PARN: variants seen among roughly 807,000 people sequenced by gnomAD.
PARN encodes poly(A)-specific ribonuclease, also known as poly(A)-specific ribonuclease PARN.
Under a neutral mutation model 102.8 loss-of-function variants are expected in PARN, and 71 were observed. The observed-to-expected ratio is 0.69, with a 90% confidence interval of 0.57 to 0.84. PARN has a LOEUF of 0.84. PARN is among the 40% of genes least tolerant of loss of function. The pLI, the probability that PARN is intolerant of heterozygous loss-of-function variation, is 0.00. For synonymous variants in PARN, 261 were observed against 252.9 expected, an observed-to-expected ratio of 1.03 and a Z score of -0.30; for missense variants, 782 against 760.9, an observed-to-expected ratio of 1.03 and a Z score of -0.33.
intron 21 of PARN, among the ~76,000 whole-genome samples, chr16:14,527,302 A>T (rs985241673): frequency 3.3e-5 from 5 of 152,170 alleles, no homozygotes; most frequent in Non-Finnish European, 7.4e-5. Context: ...TGAAATGACC[A>T]ATCTGCTTTT....
intron 13 of PARN, among the ~76,000 whole-genome samples, chr16:14,588,668 G>A (rs1298439031): frequency 6.6e-6 from 1 of 151,952 alleles, no homozygotes; most frequent in African/African-American, 2.4e-5. Context: ...ACTTGAGGCC[G>A]GAAGTTCGAG....
At chr16:14,585,364 G>GTTTTTTTT (rs36030259) in intron 14 of PARN, among the ~76,000 whole-genome samples, 1 of 121,128 alleles carries the variant, frequency 8.3e-6, no homozygotes, top group African/African-American at 3.0e-5. Context: ...CTATTTCTCT[G>GTTTTTTTT]TTTTTTTTTT....
At chr16:14,439,936 AC>A (rs1327159715) in intron 23 of PARN, among the ~76,000 whole-genome samples, 2 of 152,154 alleles carry the variant, frequency 1.3e-5, no homozygotes, top group Non-Finnish European at 2.9e-5. Flanking sequence ...AATAGCCTGA[AC>A]CCGAGAGGCG....
chr16:14,496,325 T>C (rs1340642484), intron 21 of PARN, among the ~76,000 whole-genome samples: 2 of 152,118 alleles, frequency 1.3e-5, no homozygotes, highest in Non-Finnish European at 2.9e-5. Flanking sequence ...ACACAGCAGC[T>C]TAAAAAGTGG....
rs1164475774 is a variant in PARN at position 14,580,898 on chromosome 16, T to C, written c.1238A>G (p.Lys413Arg). The C allele has an allele frequency of 6.2e-7, 1 of 1,609,558 alleles. No homozygotes were observed. Among genetic ancestry groups the C allele is most frequent in the Non-Finnish European group, 8.5e-7 (1 of 1,176,208 alleles). The change falls in exon 18 of 24, where the codon AAA becomes AGA. Residue 413 changes from lysine to arginine, a missense_variant. By Grantham distance (26) the Lys-to-Arg change is conservative (BLOSUM62 2). Transcript: ENST00000437198. The part of the protein sequence containing the change: ...PPKIHVSARS[K>R]LIEPFFNKLF... ...CTTGTTAAAAAAAGGTTCAATGAGTTTTGATCTGGCAGACACATGAATTTT... is the reference window on the plus strand; with the variant it reads ...CTTGTTAAAAAAAGGTTCAATGAGTCTTGATCTGGCAGACACATGAATTTT...
At chr16:14,606,641 AATT>A in intron 9 of PARN, 115 bp from the exon 10 acceptor site, 1 of 563,454 alleles carries the variant, frequency 1.8e-6, no homozygotes, top group Non-Finnish European at 3.2e-6. Flanking sequence ...ACTACAAAAT[AATT>A]ATCACTACAA....
At chr16:14,542,357 T>C (rs1966846984) in intron 21 of PARN, among the ~76,000 whole-genome samples, 2 of 151,656 alleles carry the variant, frequency 1.3e-5, no homozygotes, top group African/African-American at 4.8e-5. Context: ...GGTCTCGCTG[T>C]ATCTCTCAGG....
At chr16:14,530,362 G>C (rs1359074039) in intron 21 of PARN, among the ~76,000 whole-genome samples, 1 of 152,102 alleles carries the variant, frequency 6.6e-6, no homozygotes, top group Non-Finnish European at 1.5e-5. Flanking sequence ...ACCCGCCACA[G>C]TGCTTTGCAC....
chr16:14,602,355 G>A lies in PARN; in HGVS notation c.783+1791C>T, dbSNP rs186320947. Among the ~76,000 whole-genome samples the A allele has an allele frequency of 3.2e-4, 48 of 151,982 alleles. 2 individuals carry two copies. The East Asian group carries it at 3.7e-3, about 12-fold the overall frequency. On this transcript the variant is annotated intron_variant, in intron 11 of 23. Coordinates refer to ENST00000437198, the MANE Select transcript of PARN (RefSeq NM_002582.4). The stretch of plus-strand genomic sequence containing the variant: ...CCCAGGTCCTCTTCTCATTCCTCAC[G>A]TACTCTGCAGTTGCTCTGATCCAGT...
At chr16:14,508,907 T>C (rs1361978971) in intron 21 of PARN, among the ~76,000 whole-genome samples, 1 of 150,686 alleles carries the variant, frequency 6.6e-6, no homozygotes, top group Non-Finnish European at 1.5e-5. Flanking sequence ...ATTTAAAATA[T>C]ATATATATAT....
intron 5 of PARN, among the ~76,000 whole-genome samples, chr16:14,619,248 G>A (rs1162309594): frequency 2.0e-5 from 3 of 151,906 alleles, no homozygotes; most frequent in East Asian, 1.9e-4. Context: ...TAAGCCTTAC[G>A]AAACAAATAT....
chr16:14,608,099 T>A lies in PARN; in HGVS notation c.659+182A>T. 5 of 617,002 alleles carry A rather than the reference T, an allele frequency of 8.1e-6. No individual in the cohort carries two copies. The South Asian group carries it at 1.1e-4, about 13-fold the overall frequency. The allele number at this position is 617,002 out of a possible 1,614,324, so 38.2% of individuals were successfully genotyped here. ...TTTTAAGAAGCCTTAAAGCATCTGT[T>A]AAAAAACAATAACAAAAGAAAATTA... On this transcript the variant is annotated intron_variant, in intron 9 of 23. Transcript: ENST00000437198.
At chr16:14,627,815 G>A (rs1456975354) in intron 3 of PARN, among the ~76,000 whole-genome samples, 7 of 152,062 alleles carry the variant, frequency 4.6e-5, no homozygotes, top group Non-Finnish European at 8.8e-5. Context: ...AAGTGAGACC[G>A]ATCTCTACAA....
At chr16:14,534,163 GA>G (rs1966504890) in intron 21 of PARN, among the ~76,000 whole-genome samples, 1 of 148,584 alleles carries the variant, frequency 6.7e-6, no homozygotes. Flanking sequence ...AGGCTGCTGT[GA>G]ACCAAGATCG....
At chr16:14,463,440 A>G (rs1249685748) in intron 22 of PARN, among the ~76,000 whole-genome samples, 3 of 152,196 alleles carry the variant, frequency 2.0e-5, no homozygotes, top group Non-Finnish European at 4.4e-5. Flanking sequence ...ACTATCAGGT[A>G]TGCAAAAAGG....
At chr16:14,541,179 A>C (rs1415699765) in intron 21 of PARN, among the ~76,000 whole-genome samples, 1 of 151,410 alleles carries the variant, frequency 6.6e-6, no homozygotes, top group African/African-American at 2.4e-5. Flanking sequence ...GTATGTCATG[A>C]AACTAAATAA....
intron 11 of PARN, chr16:14,602,137 T>C (rs1438498936): frequency 1.3e-5 from 2 of 151,722 alleles, no homozygotes; most frequent in African/African-American, 2.4e-5. Flanking sequence ...AAAATTGCTT[T>C]AATTATAGTT....
rs2151543601 is a variant in PARN, at chr16:14,436,334, T to G, written c.*383A>C. On this transcript the variant is annotated 3_prime_UTR_variant, in exon 24 of 24. Coordinates refer to ENST00000437198, the MANE Select transcript of PARN (RefSeq NM_002582.4). ...ACAGGCAGGACAGTACACCCCCAAATTCATGATCACAGCAGCTGGAATGTC... is the reference window on the plus strand; with the variant it reads ...ACAGGCAGGACAGTACACCCCCAAAGTCATGATCACAGCAGCTGGAATGTC... 1 of 230,782 alleles carries G rather than the reference T, an allele frequency of 4.3e-6. No individual in the cohort carries two copies. Among genetic ancestry groups the G allele is most frequent in the East Asian group, 1.0e-4 (1 of 9,684 alleles). 14.3% of individuals were successfully genotyped at this position (230,782 alleles called of 1,614,324 possible). A position where few individuals can be genotyped will look rare whatever the true frequency, so the allele number is the denominator to read the frequency against.
chr16:14,440,917 T>C (rs1281245196), intron 23 of PARN, among the ~76,000 whole-genome samples: 2 of 152,104 alleles, frequency 1.3e-5, no homozygotes, highest in Admixed American at 1.3e-4. Flanking sequence ...GAGTTGTATA[T>C]CGTGATCATA....
Sources: gnomAD v4.1 joint callset for allele counts (sites outside exome capture counted in the v4.1 genomes callset) on GRCh38, gnomAD v4.1.1 for gene constraint, MANE v1.5 for transcripts, NCBI Gene and HGNC (gene_info 2026-07-23, HGNC 2026-07-21) for gene names.